The following ZDHHC5 variants were observed in gnomAD, a reference collection of about 807,000 sequenced individuals.
ZDHHC5 encodes the protein zDHHC palmitoyltransferase 5.
ZDHHC5 carries 22 observed loss-of-function variants against 70.0 expected under a neutral mutation model. That is an observed-to-expected ratio of 0.31 (90% CI 0.22 to 0.45). The LOEUF is 0.45. Ranked by LOEUF, ZDHHC5 falls within the 20% of genes least tolerant of loss-of-function variation. ZDHHC5 has a pLI of 1.00. For missense variants in ZDHHC5, 746 were observed against 926.9 expected, an observed-to-expected ratio of 0.80 and a Z score of 2.53; for synonymous variants, 313 against 347.8, an observed-to-expected ratio of 0.90 and a Z score of 1.11.
At chr11:57,697,022 C>G (rs1273242272) in intron 10 of ZDHHC5, 149 bp downstream of exon 10, 1 of 768,720 alleles carries the variant, frequency 1.3e-6, no homozygotes, top group Non-Finnish European at 2.1e-6. Context: ...TGGTGAAACC[C>G]CGTCTCTACT....
chr11:57,669,858 C>T (rs930325177), intron 1 of ZDHHC5, among the ~76,000 whole-genome samples: 2 of 152,214 alleles, frequency 1.3e-5, no homozygotes, highest in South Asian at 4.1e-4. Context: ...CTAGTATCTG[C>T]AGCACATTCT....
At chr11:57,676,597 T>G (rs986417970) in intron 2 of ZDHHC5, among the ~76,000 whole-genome samples, 5 of 152,012 alleles carry the variant, frequency 3.3e-5, no homozygotes, top group Admixed American at 6.6e-5. Context: ...AACGTTGACC[T>G]ACAGCAGTTT....
intron 8 of ZDHHC5, among the ~76,000 whole-genome samples, chr11:57,694,675 T>G (rs1250624194): frequency 6.6e-6 from 1 of 152,250 alleles, no homozygotes; most frequent in Non-Finnish European, 1.5e-5. Context: ...CATTAGACTT[T>G]AAGTTCATTA....
rs758821826 is a variant in ZDHHC5, at chr11:57,699,415, C to A, written c.1979C>A (p.Pro660His). The A allele has an allele frequency of 6.4e-7, 1 of 1,566,722 alleles. No individual in the cohort carries two copies. The highest frequency in any genetic ancestry group is 8.6e-7 in the Non-Finnish European group (1 of 1,157,262). The change falls in exon 11 of 12, where the codon CCC becomes CAC. Residue 660 changes from proline (P) to histidine (H), a missense_variant. Physicochemically the swap from Pro to His is moderately conservative, Grantham distance 77. This residue lies in a region of ZDHHC5 where 340 missense variants were observed against 350.1 expected (regional missense o/e 0.97). Transcript: ENST00000287169. ...GTGGCCTTGCAGCCATTACTGACAC[C>A]CAAGTAAGTATTAGTACTATCCTGA... Reference protein sequence around the residue: ...EEVALQPLLTPKDEVQLKTTY... With the variant: ...EEVALQPLLTHKDEVQLKTTY...
intron 3 of ZDHHC5, among the ~76,000 whole-genome samples, chr11:57,684,061 C>G (rs1452250497): frequency 1.4e-4 from 19 of 135,844 alleles, no homozygotes; most frequent in East Asian, 1.1e-3. Flanking sequence ...AGCCTTGACC[C>G]CCCCCTGGCT....
chr11:57,698,747 C>T lies in ZDHHC5; in HGVS notation c.1311C>T (p.Gly437=). The T allele has an allele frequency of 6.2e-7, 1 of 1,614,206 alleles. No homozygotes were observed. The change falls in exon 11 of 12, where the codon GGC becomes GGT. Residue 437 remains glycine (G), a synonymous_variant. Coordinates refer to ENST00000287169, the MANE Select transcript of ZDHHC5 (RefSeq NM_015457.3). ...SSSLKSAQGT[G]FELGQLQSIR... is the part of the protein sequence containing the mutation. ...GCCTCAAGTCAGCCCAGGGCACAGG[C>T]TTTGAGCTGGGCCAGTTGCAATCCA...
intron 8 of ZDHHC5, among the ~76,000 whole-genome samples, chr11:57,694,863 C>G (rs1946329596): frequency 1.3e-5 from 2 of 152,188 alleles, no homozygotes; most frequent in African/African-American, 4.8e-5. Flanking sequence ...ATAATCCCAG[C>G]ACTTAGCGAG....
At chr11:57,677,187 CT>C (rs936919758) in intron 2 of ZDHHC5, among the ~76,000 whole-genome samples, 1 of 148,984 alleles carries the variant, frequency 6.7e-6, no homozygotes, top group African/African-American at 2.5e-5. Context: ...TCCCAAAGTG[CT>C]GGGATTACAG....
At chr11:57,685,896 G>A (rs935717722) in intron 3 of ZDHHC5, among the ~76,000 whole-genome samples, 7 of 150,488 alleles carry the variant, frequency 4.7e-5, no homozygotes, top group African/African-American at 9.8e-5. Context: ...GCGTGGTGGC[G>A]CATGCCTGTA....
chr11:57,693,091 G>A (rs1484005161), intron 7 of ZDHHC5, among the ~76,000 whole-genome samples: 1 of 152,050 alleles, frequency 6.6e-6, no homozygotes, highest in Non-Finnish European at 1.5e-5. Context: ...CGAATCACTT[G>A]AGGTCAGAAG....
intron 1 of ZDHHC5, among the ~76,000 whole-genome samples, chr11:57,671,690 C>T (rs1211175746): frequency 1.3e-5 from 2 of 152,238 alleles, no homozygotes; most frequent in Admixed American, 6.5e-5. Flanking sequence ...CTGCCCTTCA[C>T]TGCTGTGCCC....
chr11:57,687,096 G>T (rs963739529), intron 3 of ZDHHC5, among the ~76,000 whole-genome samples: 1 of 152,136 alleles, frequency 6.6e-6, no homozygotes, highest in African/African-American at 2.4e-5. Flanking sequence ...CTCCCAAAGT[G>T]CTGGGATTAC....
intron 10 of ZDHHC5, among the ~76,000 whole-genome samples, chr11:57,697,501 G>C (rs1311303068): frequency 6.6e-6 from 1 of 151,488 alleles, no homozygotes; most frequent in Admixed American, 6.6e-5. Context: ...AATTATCTGG[G>C]CGTGGTGGGG....
intron 3 of ZDHHC5, among the ~76,000 whole-genome samples, chr11:57,688,160 C>T (rs1449700888): frequency 6.6e-6 from 1 of 152,170 alleles, no homozygotes; most frequent in Non-Finnish European, 1.5e-5. Flanking sequence ...AGATACTGAA[C>T]TCTTATGCAA....
chr11:57,683,286 A>T (rs1946170433), intron 3 of ZDHHC5, among the ~76,000 whole-genome samples: 1 of 152,230 alleles, frequency 6.6e-6, no homozygotes, highest in Admixed American at 6.5e-5. Flanking sequence ...CAACATCAGA[A>T]TTCCTTTTAG....
At position 57,700,036 on chromosome 11, in the gene ZDHHC5, T is replaced by C. The variant is rs764199512; in HGVS notation, c.*5T>C. On this transcript the variant is annotated 3_prime_UTR_variant, in exon 12 of 12. Transcript: ENST00000287169. The stretch of plus-strand genomic sequence containing the variant: ...ACCTATGAGATTTCGGTGTGAGCCT[T>C]CGGCACCTCCCCTCCCCAACGCCTC... 5 of 1,563,778 alleles carry C rather than the reference T, an allele frequency of 3.2e-6. No individual in the cohort carries two copies. The African/African-American group carries it at 6.8e-5, about 21-fold the overall frequency.
In ZDHHC5 at chr11:57,696,046, A is replaced by G. The variant is rs1228970842; in HGVS notation, c.1009+3A>G. 2 of 1,608,962 alleles carry G rather than the reference A, an allele frequency of 1.2e-6. No homozygotes were observed. Among genetic ancestry groups the G allele is most frequent in the African/African-American group, 2.7e-5 (2 of 74,638 alleles). On this transcript the variant is annotated splice_donor_region_variant and intron_variant, in intron 9 of 11. Transcript: ENST00000287169. ...CCTCGGCTTGGCTACTAATGAGGGT[A>G]AGGGCTGCCTTGATTTGCAAGATAC...
At chr11:57,682,943 C>T (rs138735240) in intron 3 of ZDHHC5, among the ~76,000 whole-genome samples, 1 of 152,272 alleles carries the variant, frequency 6.6e-6, no homozygotes, top group African/African-American at 2.4e-5. Context: ...GAGGCAAGAG[C>T]AAGGTTCTGT....
At chr11:57,688,487 A>G (rs1460106555) in intron 3 of ZDHHC5, 21 bp from the exon 4 acceptor site, 3 of 1,521,628 alleles carry the variant, frequency 2.0e-6, no homozygotes, top group Non-Finnish European at 2.7e-6. Flanking sequence ...GTTGTTTTTA[A>G]TTGACTTTTC....
Sources: allele counts gnomAD v4.1 joint callset (sites outside exome capture counted in the v4.1 genomes callset), GRCh38; gene constraint gnomAD v4.1.1; regional missense constraint gnomAD v4.1.1; transcripts MANE v1.5; gene names NCBI Gene and HGNC (gene_info 2026-07-23, HGNC 2026-07-21).